Variants in CDH12 observed in about 807,000 individuals in gnomAD.
CDH12 encodes the protein cadherin-12.
A neutral mutation model predicts 74.1 loss-of-function variants in CDH12; 41 were observed. The observed-to-expected ratio is 0.55, with a 90% CI of 0.43 to 0.72. CDH12 has a LOEUF of 0.72. Among genes scored for constraint, CDH12 ranks in the 30% least tolerant of loss-of-function variants. CDH12 has a pLI of 0.00. For synonymous variants in CDH12, 399 were observed against 355.0 expected (o/e 1.12, Z -1.39); for missense variants, 945 against 977.2 (o/e 0.97, Z 0.44).
chr5:22,194,905 T>C (rs1323913432), intron 4 of CDH12, among the ~76,000 whole-genome samples: 1 of 152,042 alleles, frequency 6.6e-6, no homozygotes, highest in South Asian at 2.1e-4. Flanking sequence ...ACACAAGACT[T>C]TTTTTCTAAG....
intron 5 of CDH12, among the ~76,000 whole-genome samples, chr5:22,011,679 C>T (rs1737302274): frequency 6.6e-6 from 1 of 151,966 alleles, no homozygotes; most frequent in Non-Finnish European, 1.5e-5. Context: ...TTTTGATGTC[C>T]TCATCTAATT....
intron 2 of CDH12, among the ~76,000 whole-genome samples, chr5:22,492,560 T>A (rs1050817771): frequency 6.6e-6 from 1 of 152,104 alleles, no homozygotes; most frequent in African/African-American, 2.4e-5. Context: ...TTGGTCAGGC[T>A]GGTCGCAAAC....
intron 1 of CDH12, among the ~76,000 whole-genome samples, chr5:22,640,303 G>C (rs763440514): frequency 6.6e-5 from 10 of 152,070 alleles, no homozygotes; most frequent in Non-Finnish European, 1.2e-4. Flanking sequence ...AAATACCTTT[G>C]AAAATAGCAA....
Position 21,755,572 on chromosome 5 carries a change from G to A in CDH12, c.1885+19C>T, listed in dbSNP as rs759212615. The A allele has an allele frequency of 6.2e-7, 1 of 1,602,260 alleles. No individual in the cohort carries two copies. Among genetic ancestry groups the A allele is most frequent in the South Asian group, 1.1e-5 (1 of 90,680 alleles). On this transcript the variant is annotated intron_variant, in intron 14 of 14. Coordinates refer to ENST00000382254, the MANE Select transcript of CDH12 (RefSeq NM_004061.5). Reference sequence around the variant, plus strand: ...GAGAGAGCGAGAAAAAATTAACAATGATTAATATTGAAACCAACCTAAGAG... The same window carrying A: ...GAGAGAGCGAGAAAAAATTAACAATAATTAATATTGAAACCAACCTAAGAG...
At chr5:22,409,445 A>T (rs1292431085) in intron 2 of CDH12, among the ~76,000 whole-genome samples, 1 of 152,008 alleles carries the variant, frequency 6.6e-6, no homozygotes, top group African/African-American at 2.4e-5. Flanking sequence ...CCAATTCAAA[A>T]CCAATTGAAA....
At chr5:22,209,614 T>C (rs4701575) in intron 4 of CDH12, among the ~76,000 whole-genome samples, 146,251 of 149,610 alleles carry the variant, frequency 0.98, 71,601 homozygotes, top group East Asian at 1. Flanking sequence ...CAGTAGAGTG[T>C]TTTTTCTGTC....
intron 3 of CDH12, among the ~76,000 whole-genome samples, chr5:22,332,007 G>A (rs1021236944): frequency 3.9e-5 from 6 of 152,232 alleles, no homozygotes; most frequent in Non-Finnish European, 7.4e-5. Context: ...TTGCCTACAG[G>A]ATCTATAAAA....
At chr5:22,741,748 A>C (rs1745034979) in intron 1 of CDH12, among the ~76,000 whole-genome samples, 1 of 152,176 alleles carries the variant, frequency 6.6e-6, no homozygotes, top group African/African-American at 2.4e-5. Context: ...CAAGCATTGG[A>C]TCAGAAACTC....
At chr5:22,205,139 G>A (rs993748268) in intron 4 of CDH12, among the ~76,000 whole-genome samples, 6 of 152,162 alleles carry the variant, frequency 3.9e-5, no homozygotes, top group Non-Finnish European at 7.4e-5. Flanking sequence ...GTGTTAAAAC[G>A]TTAACAACAA....
intron 5 of CDH12, among the ~76,000 whole-genome samples, chr5:22,024,398 C>T (rs1451775601): frequency 1.3e-5 from 2 of 152,144 alleles, no homozygotes; most frequent in Non-Finnish European, 2.9e-5. Flanking sequence ...CTTAAAAGAC[C>T]ACTGACTATT....
chr5:21,807,757 T>C (rs539301534), intron 9 of CDH12, among the ~76,000 whole-genome samples: 49 of 152,192 alleles, frequency 3.2e-4, no homozygotes, highest in African/African-American at 1.1e-3. Context: ...CTATACTCTG[T>C]GTGCAATGAC....
At chr5:22,237,018 A>G (rs1444506437) in intron 3 of CDH12, among the ~76,000 whole-genome samples, 1 of 152,046 alleles carries the variant, frequency 6.6e-6, no homozygotes, top group African/African-American at 2.4e-5. Flanking sequence ...AGTATAGTAT[A>G]GTAAATATAT....
intron 1 of CDH12, among the ~76,000 whole-genome samples, chr5:22,509,506 G>A (rs1736517001): frequency 6.6e-6 from 1 of 152,152 alleles, no homozygotes; most frequent in Non-Finnish European, 1.5e-5. Context: ...TAGCAATAAA[G>A]TCAGAGGAGT....
In CDH12 at chr5:21,967,480, T is replaced by G. The variant is rs138749426; in HGVS notation, c.526+7611A>C. On this transcript the variant is annotated intron_variant, in intron 6 of 14. Transcript: ENST00000382254. Reference sequence around the variant, plus strand: ...AAGGAGTAATACTTTGCAAATATGTTTAATGTTGTGAACCACTCTGTGGCC... The same window carrying G: ...AAGGAGTAATACTTTGCAAATATGTGTAATGTTGTGAACCACTCTGTGGCC... Among the ~76,000 whole-genome samples, 1,409 of 152,260 alleles carry G rather than the reference T, an allele frequency of 9.3e-3. 19 individuals are homozygous for G. The highest frequency in any genetic ancestry group is 0.032 in the African/African-American group (1,348 of 41,562).
intron 4 of CDH12, among the ~76,000 whole-genome samples, chr5:22,099,908 C>G (rs1744037912): frequency 6.6e-6 from 1 of 152,082 alleles, no homozygotes. Flanking sequence ...ACCAATAATT[C>G]TAAATGACAA....
At chr5:21,863,154 C>T (rs961647719) in intron 6 of CDH12, among the ~76,000 whole-genome samples, 1 of 152,118 alleles carries the variant, frequency 6.6e-6, no homozygotes, top group Non-Finnish European at 1.5e-5. Context: ...TTCAAATGTG[C>T]CTTGTAGATT....
At chr5:22,713,132 C>CTTTTTTTT in intron 1 of CDH12, among the ~76,000 whole-genome samples, 1 of 61,162 alleles carries the variant, frequency 1.6e-5, no homozygotes, top group Non-Finnish European at 2.8e-5. Context: ...TATGCTAATT[C>CTTTTTTTT]TTTTTTTTTT....
chr5:22,577,281 A>G (rs1297141439), intron 1 of CDH12, among the ~76,000 whole-genome samples: 2 of 152,214 alleles, frequency 1.3e-5, no homozygotes, highest in African/African-American at 4.8e-5. Flanking sequence ...GCGTTCACTA[A>G]GTTAGCTACC....
At chr5:21,779,813 A>G (rs895879043) in intron 11 of CDH12, among the ~76,000 whole-genome samples, 2 of 152,222 alleles carry the variant, frequency 1.3e-5, no homozygotes, top group African/African-American at 4.8e-5. Flanking sequence ...TGATCAAGGA[A>G]GACAGTCTTA....
Sources: allele counts gnomAD v4.1 joint callset (sites outside exome capture counted in the v4.1 genomes callset), GRCh38; gene constraint gnomAD v4.1.1; transcripts MANE v1.5; gene names NCBI Gene and HGNC (gene_info 2026-07-23, HGNC 2026-07-21).